RTN4: variants seen among roughly 807,000 people sequenced by gnomAD.
RTN4 encodes reticulon 4.
Under a neutral mutation model 90.4 loss-of-function variants are expected in RTN4, and 32 were observed. That is an observed-to-expected ratio of 0.35 (90% CI 0.27 to 0.48). RTN4 has a LOEUF of 0.48. Among genes scored for constraint, RTN4 ranks in the 20% least tolerant of loss-of-function variants. RTN4 has a pLI of 0.99. For missense variants in RTN4, 1,706 were observed against 1,430.2 expected (o/e 1.19, Z -3.11); for synonymous variants, 629 against 552.5 (o/e 1.14, Z -1.94).
intron 1 of RTN4, among the ~76,000 whole-genome samples, chr2:55,093,476 C>T (rs374884349): frequency 3.8e-4 from 58 of 151,778 alleles, no homozygotes; most frequent in African/African-American, 6.0e-4. Context: ...TCTCCTGTTA[C>T]GCCAGAAAGG....
intron 4 of RTN4, among the ~76,000 whole-genome samples, chr2:54,986,560 GT>G (rs375326360): frequency 5.1e-4 from 78 of 152,260 alleles, no homozygotes; most frequent in Middle Eastern, 3.4e-3. Flanking sequence ...ACAAAATTTT[GT>G]GATTTTCCTA....
Position 54,982,748 on chromosome 2 carries a change from T to C in RTN4, c.3222-95A>G, listed in dbSNP as rs924392454. On this transcript the variant is annotated intron_variant, in intron 4 of 8. Coordinates refer to ENST00000337526, the MANE Select transcript of RTN4 (RefSeq NM_020532.5). ...ATATATCTGTAAGAAATTAAGAAAATATTCTACTATAAAAGCCAACTGTTT... is the reference window on the plus strand; with the variant it reads ...ATATATCTGTAAGAAATTAAGAAAACATTCTACTATAAAAGCCAACTGTTT... The C allele has an allele frequency of 7.3e-6, 10 of 1,365,014 alleles. No individual in the cohort carries two copies. The African/African-American group carries it at 7.4e-5, about 10-fold the overall frequency. 84.6% of individuals were successfully genotyped at this position (1,365,014 alleles called of 1,614,324 possible).
At chr2:55,097,073 G>T (rs1290594790) in intron 1 of RTN4, among the ~76,000 whole-genome samples, 1 of 151,668 alleles carries the variant, frequency 6.6e-6, no homozygotes, top group Non-Finnish European at 1.5e-5. Context: ...TTTCAATAAA[G>T]AAAAAAGTTC....
intron 1 of RTN4, among the ~76,000 whole-genome samples, chr2:55,036,285 G>T (rs1007622685): frequency 6.6e-6 from 1 of 152,102 alleles, no homozygotes; most frequent in Non-Finnish European, 1.5e-5. Context: ...ATTCCAGGAA[G>T]GTGAGGTTGG....
chr2:55,048,546 C>G (rs540669710), intron 1 of RTN4, among the ~76,000 whole-genome samples: 1 of 151,528 alleles, frequency 6.6e-6, no homozygotes, highest in South Asian at 2.1e-4. Flanking sequence ...AACGCATTAC[C>G]CTAGGCCTAC....
At chr2:55,120,728 A>T in the RTN4 span, among the ~76,000 whole-genome samples, 1 of 152,116 alleles carries the variant, frequency 6.6e-6, no homozygotes, top group African/African-American at 2.4e-5. Flanking sequence ...GCAACGGGGA[A>T]GGAGACATGC....
intron 3 of RTN4, among the ~76,000 whole-genome samples, chr2:54,993,853 G>C (rs145978064): frequency 2.6e-5 from 4 of 151,724 alleles, no homozygotes; most frequent in Admixed American, 6.6e-5. Context: ...AGGAACACCT[G>C]AGAGGCAATC....
At chr2:55,048,017 T>C (rs971698605) in intron 1 of RTN4, among the ~76,000 whole-genome samples, 4 of 152,352 alleles carry the variant, frequency 2.6e-5, no homozygotes, top group Non-Finnish European at 4.4e-5. Flanking sequence ...GAAACCTAGA[T>C]GGTAGAGCCT....
chr2:54,989,045 G>A (rs1170602420), intron 3 of RTN4, among the ~76,000 whole-genome samples: 8 of 152,154 alleles, frequency 5.3e-5, no homozygotes, highest in Admixed American at 5.2e-4. Context: ...CAGTTTTAGG[G>A]CTGCTTTGGT....
At chr2:55,010,196 T>G in intron 3 of RTN4, 1 of 1,605,490 alleles carries the variant, frequency 6.2e-7, no homozygotes. Context: ...TGCACAAACC[T>G]ACTCCCTGAG....
chr2:55,134,633 A>G, the RTN4 span, among the ~76,000 whole-genome samples: 1 of 152,190 alleles, frequency 6.6e-6, no homozygotes, highest in African/African-American at 2.4e-5. Context: ...TCAAGTTTAA[A>G]TGAGGAAGAA....
intron 1 of RTN4, among the ~76,000 whole-genome samples, chr2:55,094,504 G>A (rs576537259): frequency 6.6e-6 from 1 of 152,320 alleles, no homozygotes; most frequent in African/African-American, 2.4e-5. Flanking sequence ...GTGAGCTTCT[G>A]CTTTCATGGG....
chr2:55,050,090 C>T lies in RTN4; in HGVS notation c.211G>A (p.Ala71Thr), dbSNP rs117465650. 0.07 allele frequency: 103,369 copies of T among 1,471,186 alleles called. 5,251 individuals carry two copies. Among genetic ancestry groups the T allele is most frequent in the Admixed American group, 0.2 (8,249 of 42,296 alleles). The allele number at this position is 1,471,186 out of a possible 1,614,324, so 91.1% of individuals were successfully genotyped here. A position where few individuals can be genotyped will look rare whatever the true frequency, so the allele number is the denominator to read the frequency against. ...ATCAGGGGCGCGCCGGCGGCAGGGG[C>T]GGTGGGCACTGGGGCCGCGGACAGC... ...AGLSAAPVPT[A>T]PAAGAPLMDF... Residue 71 changes from alanine to threonine, a missense_variant, in exon 1 of 9, where the codon GCC becomes ACC. Coordinates refer to ENST00000337526, the MANE Select transcript of RTN4 (RefSeq NM_020532.5). This position sits in a 1 kb window ranked among gnomAD's most constrained non-coding sequence, Gnocchi z 4.6.
At chr2:55,019,893 T>A (rs1179083020) in intron 3 of RTN4, among the ~76,000 whole-genome samples, 2 of 152,226 alleles carry the variant, frequency 1.3e-5, no homozygotes, top group South Asian at 2.1e-4. Flanking sequence ...AAATATCGCA[T>A]GTCTTTACAC....
At chr2:55,124,911 A>G in the RTN4 span, among the ~76,000 whole-genome samples, 1 of 152,210 alleles carries the variant, frequency 6.6e-6, no homozygotes, top group Non-Finnish European at 1.5e-5. Context: ...ATAAGGCCAC[A>G]TATCTATGAT....
In RTN4 at chr2:55,025,995, T is replaced by C. The variant is rs747301936; in HGVS notation, c.2104A>G (p.Ile702Val). 6.2e-7 allele frequency: 1 copy of C among 1,612,856 alleles called. No individual in the cohort carries two copies. Among genetic ancestry groups the C allele is most frequent in the South Asian group, 1.1e-5 (1 of 90,920 alleles). ...TCAGCAGAAAGCTTTGTTTCTTTAA[T>C]TAAATCACATGCAATAGATATATAA... ...APYISIACDL[I>V]KETKLSAEPA... The change falls in exon 3 of 9, where the codon ATT (isoleucine) becomes GTT (valine). Residue 702 changes from isoleucine (I) to valine (V), a missense_variant. Coordinates refer to ENST00000337526, the MANE Select transcript of RTN4 (RefSeq NM_020532.5).
At chr2:55,010,777 A>G (rs543036025) in intron 3 of RTN4, among the ~76,000 whole-genome samples, 1 of 152,336 alleles carries the variant, frequency 6.6e-6, no homozygotes, top group Admixed American at 6.5e-5. Context: ...TTTATTGAAC[A>G]TATTATTTGA....
chr2:55,033,247 A>C (rs1430286619), intron 1 of RTN4, among the ~76,000 whole-genome samples: 1 of 152,160 alleles, frequency 6.6e-6, no homozygotes, highest in East Asian at 1.9e-4. Flanking sequence ...AAAAGCAGGT[A>C]AACAACAATA....
chr2:55,113,331 C>T (rs1462361790), upstream of RTN4, among the ~76,000 whole-genome samples: 2 of 152,180 alleles, frequency 1.3e-5, no homozygotes, highest in African/African-American at 4.8e-5. Flanking sequence ...GTGGTTTCTA[C>T]AGACTGGGGC....
Sources: gnomAD v4.1 joint callset for allele counts (sites outside exome capture counted in the v4.1 genomes callset) on GRCh38, gnomAD v4.1.1 for gene constraint, Gnocchi (gnomAD v3.1) non-coding constraint, MANE v1.5 for transcripts, NCBI Gene and HGNC (gene_info 2026-07-23, HGNC 2026-07-21) for gene names.